The following CDK19 variants were observed in gnomAD, a reference collection of about 807,000 sequenced individuals.
The protein encoded by CDK19 is cyclin dependent kinase 19.
Under a neutral mutation model 68.3 loss-of-function variants are expected in CDK19, and 20 were observed. That is an observed-to-expected ratio of 0.29 (90% CI 0.21 to 0.43). The LOEUF (loss-of-function observed/expected upper bound fraction) is 0.43. Among genes scored for constraint, CDK19 ranks in the 20% least tolerant of loss-of-function variants. The pLI, the probability that CDK19 is intolerant of heterozygous loss-of-function variation, is 1.00. For synonymous variants in CDK19, 221 were observed against 222.8 expected, an observed-to-expected ratio of 0.99 and a Z score of 0.07; for missense variants, 339 against 623.5, an observed-to-expected ratio of 0.54 and a Z score of 4.86.
At chr6:110,731,780 T>C (rs923407878) in intron 2 of CDK19, among the ~76,000 whole-genome samples, 32 of 152,162 alleles carry the variant, frequency 2.1e-4, no homozygotes, top group Non-Finnish European at 4.7e-4. Flanking sequence ...CCTATTTGCA[T>C]AGACTATCCT....
At chr6:110,796,497 T>C (rs574052801) in intron 1 of CDK19, among the ~76,000 whole-genome samples, 2 of 146,818 alleles carry the variant, frequency 1.4e-5, no homozygotes, top group Admixed American at 1.4e-4. Flanking sequence ...CTACAAAAAC[T>C]ACAAAAATTA....
chr6:110,744,574 G>T (rs910304070), intron 2 of CDK19, among the ~76,000 whole-genome samples: 2 of 152,046 alleles, frequency 1.3e-5, no homozygotes, highest in East Asian at 3.9e-4. Flanking sequence ...ACTTAGAATT[G>T]TGGACCACTG....
intron 1 of CDK19, among the ~76,000 whole-genome samples, chr6:110,776,929 T>G (rs933451157): frequency 3.3e-5 from 5 of 152,222 alleles, no homozygotes; most frequent in Admixed American, 6.5e-5. Context: ...ACTATTATAC[T>G]TTAAAGATGA....
chr6:110,685,328 A>G (rs1234310081), intron 2 of CDK19, among the ~76,000 whole-genome samples: 1 of 152,212 alleles, frequency 6.6e-6, no homozygotes, highest in Middle Eastern at 3.2e-3. Context: ...TGCCTGATAA[A>G]TGCCTACTTA....
intron 1 of CDK19, among the ~76,000 whole-genome samples, chr6:110,785,310 C>T (rs1332477461): frequency 6.6e-6 from 1 of 152,160 alleles, no homozygotes; most frequent in Non-Finnish European, 1.5e-5. Context: ...TTACCCCACA[C>T]ACAGTCAAAA....
chr6:110,765,150 G>T (rs1779488645), intron 1 of CDK19, among the ~76,000 whole-genome samples: 1 of 151,904 alleles, frequency 6.6e-6, no homozygotes, highest in Admixed American at 6.6e-5. Flanking sequence ...AGGCATGGTG[G>T]CTCATGCCTA....
chr6:110,804,760 C>A (rs1057255210), intron 1 of CDK19, among the ~76,000 whole-genome samples: 2 of 150,564 alleles, frequency 1.3e-5, no homozygotes, highest in African/African-American at 4.9e-5. Flanking sequence ...ACGAGACCAT[C>A]CTGGCTAACA....
At position 110,687,341 on chromosome 6, in the gene CDK19, C is replaced by T. The variant is rs1772579982; in HGVS notation, c.205-16800G>A. On this transcript the variant is annotated intron_variant, in intron 2 of 12. Transcript: ENST00000368911. ...GTTTTAATTATTAATGGCTAAATTA[C>T]CAGTACCAATGATTCAATGTATTTT... 2.0e-5 allele frequency among the ~76,000 whole-genome samples: 3 copies of T among 152,126 alleles called. 1 individual carries two copies. In the South Asian group the frequency reaches 6.2e-4, roughly 31 times the overall value.
intron 2 of CDK19, among the ~76,000 whole-genome samples, chr6:110,689,595 G>A (rs966154896): frequency 1.3e-5 from 2 of 152,194 alleles, no homozygotes; most frequent in African/African-American, 4.8e-5. Context: ...GCCTAACCAG[G>A]AGGTCCTGAA....
At chr6:110,630,886 G>A (rs1779396681) in intron 6 of CDK19, among the ~76,000 whole-genome samples, 1 of 152,218 alleles carries the variant, frequency 6.6e-6, no homozygotes, top group African/African-American at 2.4e-5. Flanking sequence ...ATCTAAATGT[G>A]TTCTGGTGTC....
chr6:110,648,572 G>A (rs1162992841), intron 4 of CDK19, among the ~76,000 whole-genome samples: 32 of 122,902 alleles, frequency 2.6e-4, no homozygotes, highest in African/African-American at 9.0e-4. Flanking sequence ...AAGGAGTCTC[G>A]CTCTGTTGCC....
chr6:110,725,885 T>C (rs928116879), intron 2 of CDK19, among the ~76,000 whole-genome samples: 3 of 152,238 alleles, frequency 2.0e-5, no homozygotes, highest in Non-Finnish European at 4.4e-5. Flanking sequence ...AAATCCTTTG[T>C]TACATTCTGC....
intron 2 of CDK19, among the ~76,000 whole-genome samples, chr6:110,688,078 T>C (rs1274594396): frequency 1.3e-5 from 2 of 152,034 alleles, no homozygotes; most frequent in Non-Finnish European, 2.9e-5. Context: ...CGGGGAAAGG[T>C]TCTTTTAAAT....
intron 4 of CDK19, among the ~76,000 whole-genome samples, chr6:110,658,519 T>G (rs1289851218): frequency 6.6e-6 from 1 of 152,178 alleles, no homozygotes; most frequent in Non-Finnish European, 1.5e-5. Context: ...TAGCATGGAA[T>G]TGCTACCTCC....
At chr6:110,758,766 C>A (rs898532561) in intron 1 of CDK19, among the ~76,000 whole-genome samples, 6 of 151,980 alleles carry the variant, frequency 3.9e-5, no homozygotes, top group Non-Finnish European at 5.9e-5. Flanking sequence ...CACCTAAAAG[C>A]AAGTACCTCC....
intron 2 of CDK19, among the ~76,000 whole-genome samples, chr6:110,687,771 G>A (rs1772612667): frequency 6.6e-6 from 1 of 152,082 alleles, no homozygotes; most frequent in South Asian, 2.1e-4. Context: ...GTTAAACAAT[G>A]ACTAGAAAAA....
intron 12 of CDK19, among the ~76,000 whole-genome samples, chr6:110,619,563 C>T (rs937072944): frequency 2.0e-5 from 3 of 151,560 alleles, no homozygotes; most frequent in Admixed American, 2.0e-4. Flanking sequence ...TTTCCTCTGT[C>T]CTTGGAGAAT....
intron 2 of CDK19, among the ~76,000 whole-genome samples, chr6:110,679,873 A>T (rs2691192): frequency 0.66 from 100,655 of 152,014 alleles, 35,082 homozygotes; most frequent in East Asian, 0.98. Context: ...AGGCAAAGGT[A>T]TTTGTTGACT....
intron 2 of CDK19, among the ~76,000 whole-genome samples, chr6:110,723,022 T>C (rs1431923990): frequency 6.6e-6 from 1 of 152,010 alleles, no homozygotes; most frequent in African/African-American, 2.4e-5. Flanking sequence ...TTCCAAAACC[T>C]TGTCAACTCC....
Sources: allele counts gnomAD v4.1 joint callset (sites outside exome capture counted in the v4.1 genomes callset), GRCh38; gene constraint gnomAD v4.1.1; transcripts MANE v1.5; gene names NCBI Gene and HGNC (gene_info 2026-07-23, HGNC 2026-07-21).